Variants in SVEP1 observed in about 807,000 individuals in gnomAD.
The protein encoded by SVEP1 is sushi, von Willebrand factor type A, EGF and pentraxin domain-containing protein 1.
In SVEP1, 164 loss-of-function variants were observed where a neutral mutation model predicts 367.3. That is an observed-to-expected ratio of 0.45 (90% CI 0.39 to 0.51). The LOEUF (loss-of-function observed/expected upper bound fraction) is 0.51, where lower values mean the gene tolerates loss of function less well. SVEP1 is among the 20% of genes least tolerant of loss of function. The probability of loss-of-function intolerance (pLI) is 0.00; values close to 1 mark genes in which losing one functional copy is unlikely to be tolerated. For synonymous variants in SVEP1, 1,666 were observed against 1,611.6 expected (o/e 1.03, Z -0.81); for missense variants, 4,117 against 4,425.3 (o/e 0.93, Z 1.98).
chr9:110,460,099 G>A (rs1253614004), intron 18 of SVEP1, among the ~76,000 whole-genome samples: 2 of 152,138 alleles, frequency 1.3e-5, no homozygotes, highest in Non-Finnish European at 2.9e-5. Flanking sequence ...AGCAAAATCA[G>A]TAGTTTTATC....
intron 27 of SVEP1, among the ~76,000 whole-genome samples, chr9:110,441,420 C>A (rs1351960602): frequency 6.6e-6 from 1 of 152,204 alleles, no homozygotes; most frequent in East Asian, 1.9e-4. Context: ...CATTAAACAT[C>A]CTGAGCCTCC....
chr9:110,458,240 C>A (rs1828807364), intron 20 of SVEP1: 1 of 598,308 alleles, frequency 1.7e-6, no homozygotes, highest in South Asian at 1.8e-5. Flanking sequence ...ATTCTTATTG[C>A]CAGGCATTTC....
chr9:110,439,831 A>T (rs1163989651), intron 27 of SVEP1, among the ~76,000 whole-genome samples: 2 of 152,140 alleles, frequency 1.3e-5, no homozygotes, highest in East Asian at 3.8e-4. Context: ...GGCCATCCTT[A>T]TGCCTCTGGT....
rs1030459517 is a variant in SVEP1 at position 110,365,344 on chromosome 9, G to C, written c.*1195C>G. 1 of 152,224 alleles carries C rather than the reference G, an allele frequency of 6.6e-6. No homozygotes were observed. Among genetic ancestry groups the C allele is most frequent in the African/African-American group, 2.4e-5 (1 of 41,444 alleles). 9.4% of individuals were successfully genotyped at this position (152,224 alleles called of 1,614,324 possible). ...AGTGAATGTCAAGAGAAAGAAGGAG[G>C]AGTCAATGGCTGAGGGATGCCTACG... On this transcript the variant is annotated 3_prime_UTR_variant, in exon 48 of 48. Transcript: ENST00000374469.
intron 1 of SVEP1, among the ~76,000 whole-genome samples, chr9:110,573,521 C>T (rs976810444): frequency 2.6e-5 from 4 of 152,102 alleles, no homozygotes; most frequent in Non-Finnish European, 5.9e-5. Context: ...GCATCCCCCA[C>T]CAGAGGATCA....
intron 44 of SVEP1, 142 bp from the exon 45 acceptor site, chr9:110,377,508 G>A: frequency 3.0e-6 from 2 of 656,400 alleles, no homozygotes; most frequent in South Asian, 2.2e-5. Context: ...TCTCAGGAGG[G>A]AATTTCAGTA....
chr9:110,386,794 A>G (rs927232642), intron 42 of SVEP1, among the ~76,000 whole-genome samples: 2 of 152,226 alleles, frequency 1.3e-5, no homozygotes, highest in Non-Finnish European at 2.9e-5. Context: ...CTACATTATG[A>G]TGATACTTGA....
In SVEP1 at chr9:110,447,056, A is replaced by T; in HGVS notation, c.4105T>A (p.Cys1369Ser). The change falls in exon 25 of 48, where the codon TGC becomes AGC. Residue 1369 changes from cysteine to serine, a missense_variant and splice_region_variant. Cys to Ser is a moderately radical substitution (Grantham distance 112). Around this residue, in one of 4 missense-constraint regions of SVEP1, gnomAD observed 2,174 missense variants for 2,494.3 expected, o/e 0.87. Transcript: ENST00000374469. ...CCTGTGAAGCCAGCTGCACACAGGC[A>T]TCTGAAAGAAAACAAAATGTTGTAA... ...TCKDGANSFR[C>S]LCAAGFTGSH... 6.7e-7 allele frequency: 1 copy of T among 1,482,750 alleles called. No homozygotes were observed. The highest frequency in any genetic ancestry group is 8.9e-7 in the Non-Finnish European group (1 of 1,118,334). 91.8% of individuals were successfully genotyped at this position (1,482,750 alleles called of 1,614,324 possible).
chr9:110,496,860 A>G lies in SVEP1; in HGVS notation c.1755T>C (p.Asn585=), dbSNP rs1425979699. The change falls in exon 8 of 48, where the codon AAT becomes AAC. Residue 585 remains asparagine, a synonymous_variant. Coordinates refer to ENST00000374469, the MANE Select transcript of SVEP1 (RefSeq NM_153366.4). ...TAGCTGTTGGAATCTGCCAGGTAAC[A>G]TTGGCAGAATCTTGCTGTTCCAGAG... ...AKTLEQQDSA[N]VTWQIPTAKD... The G allele has an allele frequency of 6.4e-7, 1 of 1,558,768 alleles. No individual in the cohort carries two copies. The highest frequency in any genetic ancestry group is 2.4e-5 in the East Asian group (1 of 42,176).
At chr9:110,452,408 A>C (rs1258067095) in intron 22 of SVEP1, among the ~76,000 whole-genome samples, 1 of 152,190 alleles carries the variant, frequency 6.6e-6, no homozygotes, top group Non-Finnish European at 1.5e-5. Flanking sequence ...CGCTAATATG[A>C]GATTTGGAAT....
At chr9:110,541,065 C>T (rs1181608654) in intron 3 of SVEP1, among the ~76,000 whole-genome samples, 16 of 152,110 alleles carry the variant, frequency 1.1e-4, no homozygotes, top group Admixed American at 9.8e-4. Context: ...ATTGGAATAC[C>T]TTAATTCTAC....
At chr9:110,501,719 T>C (rs1421690150) in intron 6 of SVEP1, among the ~76,000 whole-genome samples, 1 of 152,220 alleles carries the variant, frequency 6.6e-6, no homozygotes, top group Non-Finnish European at 1.5e-5. Context: ...GTTATATCAA[T>C]ATGAGTTTTA....
chr9:110,429,907 CT>C lies in SVEP1; in HGVS notation c.5615+12del. On this transcript the variant is annotated intron_variant, in intron 34 of 47. Transcript: ENST00000374469. Reference sequence around the variant, plus strand: ...ACATCTTCTACAATATAGTTTTAATCTTAGATACTTACCTATATGTCACTTT... The same window carrying C: ...ACATCTTCTACAATATAGTTTTAATCTAGATACTTACCTATATGTCACTTT... 1 of 1,607,526 alleles carries C rather than the reference CT, an allele frequency of 6.2e-7. No homozygotes were observed.
At chr9:110,409,004 A>G (rs1828003155) in intron 37 of SVEP1, 53 bp from the exon 38 acceptor site, 1 of 1,507,042 alleles carries the variant, frequency 6.6e-7, no homozygotes, top group Non-Finnish European at 8.8e-7. Flanking sequence ...AGATGATAGC[A>G]TTAACTAAAT....
Position 110,465,980 on chromosome 9 carries a change from A to G in SVEP1, c.3207T>C (p.Cys1069=). Residue 1069 remains cysteine (C), a synonymous_variant, in exon 18 of 48, where the codon TGT becomes TGC. Coordinates refer to ENST00000374469, the MANE Select transcript of SVEP1 (RefSeq NM_153366.4). ...GATAAGTGCCCAGTGGACACGATTC[A>G]CAAGTCTCAAGTCCACTGTATGAGT... ...GTYSYSGLET[C]ESCPLGTYQP... is the part of the protein sequence containing the mutation. The G allele has an allele frequency of 6.2e-7, 1 of 1,613,638 alleles. No homozygotes were observed. Among genetic ancestry groups the G allele is most frequent in the South Asian group, 1.1e-5 (1 of 90,940 alleles).
intron 1 of SVEP1, among the ~76,000 whole-genome samples, chr9:110,562,528 T>A (rs1475258826): frequency 6.6e-6 from 1 of 152,136 alleles, no homozygotes; most frequent in Non-Finnish European, 1.5e-5. Flanking sequence ...CATATGGTAT[T>A]TGGACATCAG....
chr9:110,401,124 C>A lies in SVEP1; in HGVS notation c.9667-115G>T, dbSNP rs181963312. ...ATCTCCAAAATGATAGTCAAAAGCA[C>A]CCAGGGTTTGGTCCTACTTTTGCTA... is the stretch of plus-strand genomic sequence containing the variant. On this transcript the variant is annotated intron_variant, in intron 39 of 47. Transcript: ENST00000374469. 424 of 1,301,306 alleles carry A rather than the reference C, an allele frequency of 3.3e-4. 1 individual carries two copies. The African/African-American group carries it at 5.3e-3, about 16-fold the overall frequency. The allele number at this position is 1,301,306 out of a possible 1,614,324, so 80.6% of individuals were successfully genotyped here.
At chr9:110,560,384 C>T (rs1239123886) in intron 1 of SVEP1, among the ~76,000 whole-genome samples, 1 of 152,154 alleles carries the variant, frequency 6.6e-6, no homozygotes, top group Non-Finnish European at 1.5e-5. Context: ...CATGACTGTA[C>T]ATCAAAATGT....
intron 40 of SVEP1, among the ~76,000 whole-genome samples, chr9:110,395,391 C>A (rs1308597408): frequency 6.6e-6 from 1 of 152,172 alleles, no homozygotes; most frequent in Non-Finnish European, 1.5e-5. Flanking sequence ...CCACCCACTG[C>A]AAAAACATGC....
Sources: allele counts gnomAD v4.1 joint callset (sites outside exome capture counted in the v4.1 genomes callset), GRCh38; gene constraint gnomAD v4.1.1; regional missense constraint gnomAD v4.1.1; transcripts MANE v1.5; gene names NCBI Gene and HGNC (gene_info 2026-07-23, HGNC 2026-07-21).